Variants in STARD13 observed in about 807,000 individuals in gnomAD.
STARD13 encodes the protein StAR related lipid transfer domain containing 13.
STARD13 carries 62 observed loss-of-function variants against 106.4 expected under a neutral mutation model. The observed-to-expected ratio is 0.58, with a 90% CI of 0.48 to 0.72. The LOEUF is 0.72. Ranked by LOEUF, STARD13 falls within the 30% of genes least tolerant of loss-of-function variation. STARD13 has a pLI of 0.00. For missense variants in STARD13, 1,387 were observed against 1,424.0 expected, an observed-to-expected ratio of 0.97 and a Z score of 0.42; for synonymous variants, 565 against 553.0, an observed-to-expected ratio of 1.02 and a Z score of -0.31.
chr13:33,331,911 C>T (rs979099553), intron 1 of STARD13, among the ~76,000 whole-genome samples: 6 of 152,102 alleles, frequency 3.9e-5, no homozygotes, highest in African/African-American at 1.2e-4. Context: ...ACGTAATTAG[C>T]AACTAAGTAT....
At chr13:33,658,643 G>A in the STARD13 span, among the ~76,000 whole-genome samples, 1 of 152,158 alleles carries the variant, frequency 6.6e-6, no homozygotes, top group East Asian at 1.9e-4. Flanking sequence ...CTGTGATATT[G>A]CAAAATATAT....
chr13:33,323,794 G>A (rs1055627995), intron 1 of STARD13, among the ~76,000 whole-genome samples: 5 of 152,134 alleles, frequency 3.3e-5, no homozygotes, highest in African/African-American at 1.2e-4. Context: ...AAATGGCTCA[G>A]GTAAGAAACG....
intron 1 of STARD13, among the ~76,000 whole-genome samples, chr13:33,325,983 T>TAA (rs59403273): frequency 0.23 from 21,589 of 95,790 alleles, 2,892 homozygotes; most frequent in Non-Finnish European, 0.26. Flanking sequence ...AGACTCCGTT[T>TAA]AAAAAAAAAA....
chr13:33,335,978 C>A (rs1012521787), intron 1 of STARD13, among the ~76,000 whole-genome samples: 2 of 137,390 alleles, frequency 1.5e-5, no homozygotes, highest in African/African-American at 6.4e-5. Context: ...TTCATTCATT[C>A]ATTCATTCAT....
chr13:33,410,302 G>C, the STARD13 span, among the ~76,000 whole-genome samples: 3 of 152,196 alleles, frequency 2.0e-5, no homozygotes, highest in Non-Finnish European at 4.4e-5. Context: ...CACATAAGTG[G>C]AAGCAGAAGC....
the STARD13 span, among the ~76,000 whole-genome samples, chr13:33,519,293 TTC>T: frequency 8.4e-6 from 1 of 119,560 alleles, no homozygotes; most frequent in Non-Finnish European, 1.7e-5. Context: ...CTTTCTTTCT[TTC>T]TCTCTCTCTT....
chr13:33,351,542 G>A (rs768305701), upstream of STARD13, among the ~76,000 whole-genome samples: 6 of 152,154 alleles, frequency 3.9e-5, no homozygotes, highest in Non-Finnish European at 5.9e-5. Flanking sequence ...AGTTCACAAA[G>A]TTTTGTTTCT....
chr13:33,223,676 T>A (rs1416038731), intron 1 of STARD13, among the ~76,000 whole-genome samples: 2 of 151,890 alleles, frequency 1.3e-5, no homozygotes, highest in Non-Finnish European at 2.9e-5. Flanking sequence ...TATATATATA[T>A]AATTCTATGT....
At chr13:33,551,762 T>G in the STARD13 span, among the ~76,000 whole-genome samples, 2 of 151,734 alleles carry the variant, frequency 1.3e-5, no homozygotes, top group Non-Finnish European at 2.9e-5. Flanking sequence ...CCATACTGGC[T>G]CATTTTTGTA....
the STARD13 span, among the ~76,000 whole-genome samples, chr13:33,498,728 G>A: frequency 1.3e-5 from 2 of 152,158 alleles, no homozygotes; most frequent in East Asian, 1.9e-4. Context: ...ATTCAGCTAT[G>A]ATCCAAGTTA....
the STARD13 span, among the ~76,000 whole-genome samples, chr13:33,506,118 ATTGATG>A: frequency 5.3e-5 from 8 of 152,160 alleles, no homozygotes; most frequent in African/African-American, 1.9e-4. Flanking sequence ...TAAGAAGGTT[ATTGATG>A]AAGCAGTAAA....
chr13:33,472,885 GCTCCTTC>G, the STARD13 span, among the ~76,000 whole-genome samples: 1 of 151,716 alleles, frequency 6.6e-6, no homozygotes, highest in African/African-American at 2.4e-5. Flanking sequence ...AATATCTTTG[GCTCCTTC>G]CTGATTCAAA....
At chr13:33,417,286 T>C in the STARD13 span, among the ~76,000 whole-genome samples, 3 of 152,238 alleles carry the variant, frequency 2.0e-5, no homozygotes, top group African/African-American at 2.4e-5. Flanking sequence ...GAATTTAAAC[T>C]GGTGCAGCCA....
At chr13:33,496,662 T>G in the STARD13 span, among the ~76,000 whole-genome samples, 1 of 152,128 alleles carries the variant, frequency 6.6e-6, no homozygotes, top group African/African-American at 2.4e-5. Flanking sequence ...CTTCCATGTT[T>G]AACTCTTTTT....
rs1873481642 is a variant in STARD13 at position 33,104,740 on chromosome 13, G to T, written c.*853C>A. 1 of 153,542 alleles carries T rather than the reference G, an allele frequency of 6.5e-6. No individual in the cohort carries two copies. The highest frequency in any genetic ancestry group is 6.5e-5 in the Admixed American group (1 of 15,280). 9.5% of individuals were successfully genotyped at this position (153,542 alleles called of 1,614,324 possible). ...GCTATGATATTCATCTTGACTTGGG[G>T]TCTGTAGTGATGGGCATGGGAGCGA... On this transcript the variant is annotated 3_prime_UTR_variant, in exon 14 of 14. Transcript: ENST00000336934.
intron 1 of STARD13, chr13:33,278,311 G>A (rs182698616): frequency 7.9e-5 from 12 of 152,218 alleles, no homozygotes; most frequent in Non-Finnish European, 2.9e-5. Context: ...CTGTCTAATG[G>A]GCCTAGTGTT....
the STARD13 span, among the ~76,000 whole-genome samples, chr13:33,666,713 C>A: frequency 1.3e-5 from 2 of 152,282 alleles, no homozygotes; most frequent in Non-Finnish European, 2.9e-5. Context: ...GCCTCAGCCT[C>A]CCAAGTAGCT....
At chr13:33,541,334 C>A in the STARD13 span, among the ~76,000 whole-genome samples, 1 of 152,164 alleles carries the variant, frequency 6.6e-6, no homozygotes, top group Admixed American at 6.5e-5. Flanking sequence ...TCAGCTCTGA[C>A]CTCTTTCACG....
the STARD13 span, among the ~76,000 whole-genome samples, chr13:33,648,783 CTTTTTTTTTTTTTTTT>C: frequency 6.5e-5 from 5 of 77,010 alleles, no homozygotes; most frequent in African/African-American, 2.4e-4. Context: ...TTTTCTCTTT[CTTTTTTTTTTTTTTTT>C]TTTTTTTTTG....
Sources: allele counts gnomAD v4.1 joint callset (sites outside exome capture counted in the v4.1 genomes callset), GRCh38; gene constraint gnomAD v4.1.1; transcripts MANE v1.5; gene names NCBI Gene and HGNC (gene_info 2026-07-23, HGNC 2026-07-21).